The following SCFD2 variants were observed in gnomAD, a reference collection of about 807,000 sequenced individuals.
SCFD2 encodes the protein sec1 family domain-containing protein 2.
In SCFD2, 54 loss-of-function variants were observed where a neutral mutation model predicts 58.9. The observed-to-expected ratio is 0.92, with a 90% CI of 0.74 to 1.15. The LOEUF (loss-of-function observed/expected upper bound fraction) is 1.15. Ranked by LOEUF, SCFD2 falls within the 50% of genes most tolerant of loss-of-function variation. SCFD2 has a pLI of 0.00. For synonymous variants in SCFD2, 321 were observed against 335.9 expected (o/e 0.96, Z 0.49); for missense variants, 805 against 836.6 (o/e 0.96, Z 0.47).
intron 5 of SCFD2, among the ~76,000 whole-genome samples, chr4:52,921,769 CCT>C (rs1719742209): frequency 6.6e-6 from 1 of 152,136 alleles, no homozygotes; most frequent in South Asian, 2.1e-4. Flanking sequence ...TACCTCAGTA[CCT>C]GCATGTCAGG....
Position 53,270,103 on chromosome 4 carries a change from C to T in SCFD2, c.1311+3723G>A, listed in dbSNP as rs190825415. 2.7e-3 allele frequency among the ~76,000 whole-genome samples: 405 copies of T among 152,174 alleles called. 5 individuals carry two copies. The highest frequency in any genetic ancestry group is 3.4e-3 in the Middle Eastern group (1 of 294). On this transcript the variant is annotated intron_variant, in intron 4 of 8. Transcript: ENST00000401642. ...TATGGAAAATATTAGTAAACTATATCCAGCGATTTGTATGTGTGTGTGTGC... is the reference window on the plus strand; with the variant it reads ...TATGGAAAATATTAGTAAACTATATTCAGCGATTTGTATGTGTGTGTGTGC...
chr4:53,012,746 G>GT (rs1288081584), intron 5 of SCFD2, among the ~76,000 whole-genome samples: 1 of 151,716 alleles, frequency 6.6e-6, no homozygotes, highest in Non-Finnish European at 1.5e-5. Context: ...CATTTATGGA[G>GT]TTAATTGACA....
At chr4:52,937,111 T>C (rs1720157938) in intron 5 of SCFD2, among the ~76,000 whole-genome samples, 1 of 152,236 alleles carries the variant, frequency 6.6e-6, no homozygotes, top group Admixed American at 6.5e-5. Flanking sequence ...AAAGGGCCTC[T>C]TGGAGGAGTT....
chr4:52,927,231 T>TTCC (rs754706272), intron 5 of SCFD2, among the ~76,000 whole-genome samples: 12 of 152,230 alleles, frequency 7.9e-5, no homozygotes, highest in Non-Finnish European at 1.6e-4. Flanking sequence ...TAAGTACATA[T>TTCC]TCATATATGT....
At chr4:53,236,397 T>C (rs1037803693) in intron 4 of SCFD2, among the ~76,000 whole-genome samples, 21 of 151,234 alleles carry the variant, frequency 1.4e-4, no homozygotes, top group African/African-American at 4.8e-4. Flanking sequence ...TGTAAGTGTG[T>C]GTGTATATAT....
At chr4:53,171,985 T>G (rs1363641589) in intron 4 of SCFD2, among the ~76,000 whole-genome samples, 1 of 149,706 alleles carries the variant, frequency 6.7e-6, no homozygotes, top group East Asian at 1.9e-4. Context: ...ATTTTTATTT[T>G]TATTTTATTT....
At chr4:52,930,874 G>T (rs140284851) in intron 5 of SCFD2, among the ~76,000 whole-genome samples, 25 of 152,246 alleles carry the variant, frequency 1.6e-4, no homozygotes, top group African/African-American at 5.8e-4. Flanking sequence ...TCTTTAAAAA[G>T]GTAGGCATCA....
At chr4:53,245,205 T>G (rs1049702600) in intron 4 of SCFD2, among the ~76,000 whole-genome samples, 6 of 151,618 alleles carry the variant, frequency 4.0e-5, no homozygotes, top group Admixed American at 2.0e-4. Context: ...CAATTGCTAC[T>G]GAAACTATTC....
At chr4:52,894,163 T>C (rs1048039735) in intron 7 of SCFD2, among the ~76,000 whole-genome samples, 2 of 152,216 alleles carry the variant, frequency 1.3e-5, no homozygotes, top group African/African-American at 4.8e-5. Context: ...CTGGGCTTTC[T>C]GTGAGTCTTT....
intron 5 of SCFD2, 125 bp downstream of exon 5, chr4:53,145,208 G>C: frequency 2.2e-5 from 26 of 1,178,264 alleles, no homozygotes; most frequent in Non-Finnish European, 3.1e-5. Context: ...CATTCATCAG[G>C]CCTCATGAAA....
At chr4:53,061,319 T>C (rs1312186675) in intron 5 of SCFD2, among the ~76,000 whole-genome samples, 1 of 152,024 alleles carries the variant, frequency 6.6e-6, no homozygotes, top group African/African-American at 2.4e-5. Flanking sequence ...TCTCACGGAG[T>C]CCTCACAACA....
At chr4:53,000,544 A>C (rs1409573905) in intron 5 of SCFD2, among the ~76,000 whole-genome samples, 2 of 152,152 alleles carry the variant, frequency 1.3e-5, no homozygotes, top group Non-Finnish European at 2.9e-5. Context: ...AAATCCAGCC[A>C]GATTGTGTAC....
intron 5 of SCFD2, among the ~76,000 whole-genome samples, chr4:53,064,488 AT>A: frequency 6.6e-6 from 1 of 152,162 alleles, no homozygotes; most frequent in African/African-American, 2.4e-5. Flanking sequence ...AGAGCCCATT[AT>A]GCCTCATTTT....
Position 52,873,883 on chromosome 4 carries a change from C to G in SCFD2, c.*86G>C, listed in dbSNP as rs1248997650. 1.3e-5 allele frequency: 12 copies of G among 905,850 alleles called. No individual in the cohort carries two copies. The highest frequency in any genetic ancestry group is 2.2e-5 in the Non-Finnish European group (12 of 548,810). 56.1% of individuals were successfully genotyped at this position (905,850 alleles called of 1,614,324 possible). A position where few individuals can be genotyped will look rare whatever the true frequency, so the allele number is the denominator to read the frequency against. On this transcript the variant is annotated 3_prime_UTR_variant, in exon 9 of 9. Transcript: ENST00000401642. ...ATTCTCGCAATTAGTGACAGGGACG[C>G]TGGTTGTGGAGGAGTATTTGGAGTG...
At chr4:52,973,134 A>C (rs979630810) in intron 5 of SCFD2, among the ~76,000 whole-genome samples, 2 of 152,184 alleles carry the variant, frequency 1.3e-5, no homozygotes, top group African/African-American at 2.4e-5. Flanking sequence ...AAACACATTC[A>C]AAAGCTAGCA....
At chr4:53,155,811 T>C (rs1160648559) in intron 4 of SCFD2, among the ~76,000 whole-genome samples, 1 of 152,246 alleles carries the variant, frequency 6.6e-6, no homozygotes, top group Non-Finnish European at 1.5e-5. Context: ...AGCAGTTTTC[T>C]AAGTTTGGTC....
chr4:53,354,866 G>T (rs1431971247), intron 1 of SCFD2, among the ~76,000 whole-genome samples: 8 of 150,358 alleles, frequency 5.3e-5, no homozygotes, highest in Non-Finnish European at 5.9e-5. Context: ...GCTCACTGTA[G>T]CCTTGAACTC....
At chr4:53,219,438 G>A (rs1394348891) in intron 4 of SCFD2, among the ~76,000 whole-genome samples, 4 of 152,218 alleles carry the variant, frequency 2.6e-5, no homozygotes, top group African/African-American at 7.2e-5. Flanking sequence ...TCTGAGCCAT[G>A]CGTGGGATAT....
chr4:53,037,900 C>T (rs1722804697), intron 5 of SCFD2, among the ~76,000 whole-genome samples: 1 of 152,048 alleles, frequency 6.6e-6, no homozygotes, highest in Non-Finnish European at 1.5e-5. Flanking sequence ...TGACAACAAT[C>T]CAAAAATGAA....
Sources: gnomAD v4.1 joint callset for allele counts (sites outside exome capture counted in the v4.1 genomes callset) on GRCh38, gnomAD v4.1.1 for gene constraint, MANE v1.5 for transcripts, NCBI Gene and HGNC (gene_info 2026-07-23, HGNC 2026-07-21) for gene names.